RHCE: variants seen among roughly 807,000 people sequenced by gnomAD.
The protein encoded by RHCE is blood group Rh(CE) polypeptide.
In RHCE, 22 loss-of-function variants were observed where a neutral mutation model predicts 43.8. That is an observed-to-expected ratio of 0.50 (90% confidence interval 0.36 to 0.72). The LOEUF is 0.72. RHCE is among the 30% of genes least tolerant of loss of function. The probability of loss-of-function intolerance (pLI) is 0.00; values close to 1 mark genes in which losing one functional copy is unlikely to be tolerated. For synonymous variants in RHCE, 156 were observed against 210.7 expected, an observed-to-expected ratio of 0.74 and a Z score of 2.25; for missense variants, 385 against 525.4, an observed-to-expected ratio of 0.73 and a Z score of 2.61.
At chr1:25,378,492 C>T (rs1001899030) in intron 7 of RHCE, among the ~76,000 whole-genome samples, 1 of 152,212 alleles carries the variant, frequency 6.6e-6, no homozygotes, top group African/African-American at 2.4e-5. Context: ...ACTATCTTTT[C>T]TTAGATTCTC....
At chr1:25,385,629 C>T (rs528524815) in intron 7 of RHCE, 82 bp downstream of exon 7, 2 of 1,604,182 alleles carry the variant, frequency 1.2e-6, no homozygotes, top group Non-Finnish European at 8.5e-7. Flanking sequence ...AGTGCACACG[C>T]CCCAGCTAAG....
At chr1:25,391,181 T>C (rs367824722) in intron 4 of RHCE, among the ~76,000 whole-genome samples, 2 of 152,160 alleles carry the variant, frequency 1.3e-5, no homozygotes, top group East Asian at 3.9e-4. Flanking sequence ...ATGCTTATTT[T>C]AATTTTTTTT....
chr1:25,392,571 T>C (rs1646410109), intron 3 of RHCE, among the ~76,000 whole-genome samples: 1 of 137,672 alleles, frequency 7.3e-6, no homozygotes, highest in South Asian at 2.5e-4. Context: ...TCTTTTTTTT[T>C]TTTTTTTTTT....
intron 8 of RHCE, among the ~76,000 whole-genome samples, chr1:25,371,847 C>T (rs1361322710): frequency 4.0e-5 from 6 of 151,438 alleles, no homozygotes; most frequent in South Asian, 2.1e-4. Context: ...GTTCCAGTGT[C>T]GTTAACAAGA....
chr1:25,394,895 G>T (rs1646493403), intron 3 of RHCE, among the ~76,000 whole-genome samples: 1 of 151,682 alleles, frequency 6.6e-6, no homozygotes, highest in Non-Finnish European at 1.5e-5. Flanking sequence ...CTGGTCCCTG[G>T]CTCTGGTTCC....
intron 2 of RHCE, among the ~76,000 whole-genome samples, chr1:25,407,709 T>C (rs1405078705): frequency 8.1e-6 from 1 of 123,724 alleles, no homozygotes; most frequent in African/African-American, 2.5e-5. Flanking sequence ...TAAGTGCCAA[T>C]GCCCTTTTAA....
intron 3 of RHCE, among the ~76,000 whole-genome samples, chr1:25,393,223 C>T (rs949012018): frequency 6.6e-6 from 1 of 152,186 alleles, no homozygotes; most frequent in African/African-American, 2.4e-5. Context: ...GCCACCATCA[C>T]CGCTACCCCA....
intron 7 of RHCE, among the ~76,000 whole-genome samples, chr1:25,378,175 A>G (rs1176635742): frequency 2.0e-5 from 3 of 152,262 alleles, no homozygotes; most frequent in Non-Finnish European, 4.4e-5. Context: ...CCAAGTGTTA[A>G]CAAAATGTGG....
chr1:25,417,419 A>T (rs571539887), intron 1 of RHCE, among the ~76,000 whole-genome samples: 43 of 152,352 alleles, frequency 2.8e-4, no homozygotes, highest in Non-Finnish European at 5.3e-4. Flanking sequence ...GATTGGAAGC[A>T]GAGAAATAAT....
chr1:25,411,306 C>T (rs1365222142), intron 1 of RHCE: 1 of 1,549,704 alleles, frequency 6.5e-7, no homozygotes. Flanking sequence ...TGTTCATCAA[C>T]ATCATCATGA....
chr1:25,411,386 C>G lies in RHCE; in HGVS notation c.149-2517G>C, dbSNP rs1254973109. On this transcript the variant is annotated intron_variant, in intron 1 of 9. Transcript: ENST00000294413. ...GGCTTTGATAACAATGAGAAGCTCT[C>G]ATTACTGGAACTCTCCAAAGTCTCA... The G allele has an allele frequency of 1.2e-5, 18 of 1,550,418 alleles. No individual in the cohort carries two copies. The Admixed American group carries it at 3.5e-4, about 30-fold the overall frequency.
At chr1:25,393,088 T>C (rs1196042689) in intron 3 of RHCE, among the ~76,000 whole-genome samples, 1 of 152,216 alleles carries the variant, frequency 6.6e-6, no homozygotes, top group African/African-American at 2.4e-5. Flanking sequence ...GACTATCACA[T>C]TTTAGTAATG....
chr1:25,414,615 CCT>C (rs953404459), intron 1 of RHCE, among the ~76,000 whole-genome samples: 2 of 152,152 alleles, frequency 1.3e-5, no homozygotes, highest in African/African-American at 4.8e-5. Context: ...TCTAGTAGCC[CCT>C]CTCTCTGCCT....
chr1:25,414,895 C>T (rs995008146), intron 1 of RHCE, among the ~76,000 whole-genome samples: 1 of 152,150 alleles, frequency 6.6e-6, no homozygotes, highest in African/African-American at 2.4e-5. Flanking sequence ...ACCACAGAAT[C>T]ATGATCATGA....
At chr1:25,378,118 A>C (rs1341366008) in intron 7 of RHCE, among the ~76,000 whole-genome samples, 2 of 152,212 alleles carry the variant, frequency 1.3e-5, no homozygotes, top group African/African-American at 4.8e-5. Flanking sequence ...TCAAAATGTA[A>C]AAAATAGGTT....
rs565928967 is a variant in RHCE, at chr1:25,385,621, T to C, written c.1073+90A>G. 1.2e-4 allele frequency: 185 copies of C among 1,588,474 alleles called. No homozygotes were observed. In the African/African-American group the frequency reaches 2.1e-3, roughly 18 times the overall value. ...AGCCTACTGAGCACCTGGCCCCGAG[T>C]GCACACGCCCCAGCTAAGGACTCTG... On this transcript the variant is annotated intron_variant, in intron 7 of 9. Coordinates refer to ENST00000294413, the MANE Select transcript of RHCE (RefSeq NM_020485.8).
At chr1:25,372,379 C>T (rs1322782709) in intron 8 of RHCE, among the ~76,000 whole-genome samples, 3 of 151,442 alleles carry the variant, frequency 2.0e-5, no homozygotes, top group African/African-American at 4.9e-5. Flanking sequence ...ATTAGCCGGG[C>T]GTGGTGGTGC....
intron 1 of RHCE, among the ~76,000 whole-genome samples, chr1:25,414,382 G>A (rs1647219428): frequency 6.6e-6 from 1 of 152,052 alleles, no homozygotes; most frequent in Non-Finnish European, 1.5e-5. Context: ...CAGGCTCTAG[G>A]GTTGACCTCC....
Position 25,368,066 on chromosome 1 carries a change from A to C in RHCE, c.1227+2401T>G, listed in dbSNP as rs1645480236. 2.0e-5 allele frequency among the ~76,000 whole-genome samples: 3 copies of C among 151,038 alleles called. No individual in the cohort carries two copies. The South Asian group carries it at 6.3e-4, about 31-fold the overall frequency. ...GGGACCAGGTGGGTAGGAAGGGAGG[A>C]ATTTCAAAGGAGCAGGAGGAAGTGT... On this transcript the variant is annotated intron_variant, in intron 9 of 9. Transcript: ENST00000294413.
Sources: allele counts gnomAD v4.1 joint callset (sites outside exome capture counted in the v4.1 genomes callset), GRCh38; gene constraint gnomAD v4.1.1; transcripts MANE v1.5; gene names NCBI Gene and HGNC (gene_info 2026-07-23, HGNC 2026-07-21).